ANAPC1: variants seen among roughly 807,000 people sequenced by gnomAD.
The protein encoded by ANAPC1 is anaphase-promoting complex subunit 1.
Under a neutral mutation model 208.0 loss-of-function variants are expected in ANAPC1, and 36 were observed. The ratio of observed to expected loss-of-function variants is 0.17; its 90% CI spans 0.13 to 0.23. The LOEUF is 0.23. ANAPC1 is among the 10% of genes least tolerant of loss of function. The pLI, the probability that ANAPC1 is intolerant of heterozygous loss-of-function variation, is 1.00. For missense variants in ANAPC1, 942 were observed against 2,011.6 expected (o/e 0.47, Z 10.17); for synonymous variants, 378 against 695.2 (o/e 0.54, Z 7.18).
intron 18 of ANAPC1, 107 bp from the exon 19 acceptor site, chr2:111,834,979 T>C: frequency 1.7e-6 from 2 of 1,170,308 alleles, no homozygotes; most frequent in Non-Finnish European, 1.1e-6. Context: ...TCACATTAAG[T>C]TGATCTAAGA....
At chr2:111,845,317 C>T (rs569601183) in intron 16 of ANAPC1, among the ~76,000 whole-genome samples, 1 of 152,352 alleles carries the variant, frequency 6.6e-6, no homozygotes, top group East Asian at 1.9e-4. Flanking sequence ...TTCCAGGATT[C>T]TTTTTTCCCT....
rs1427167094 is a variant in ANAPC1, at chr2:111,863,550, G to A, written c.1052+125C>T. The A allele has an allele frequency of 5.7e-6, 5 of 870,346 alleles. No homozygotes were observed. In the Admixed American group the frequency reaches 1.5e-4, roughly 26 times the overall value. The allele number at this position is 870,346 out of a possible 1,614,324, so 53.9% of individuals were successfully genotyped here. On this transcript the variant is annotated intron_variant, in intron 9 of 47. Coordinates refer to ENST00000341068, the MANE Select transcript of ANAPC1 (RefSeq NM_022662.4). The stretch of plus-strand genomic sequence containing the variant: ...AAAAAAAAGGCTCAATTGGGATAAT[G>A]GCTATTTCCCCTAAAAAACATCTCC...
intron 43 of ANAPC1, among the ~76,000 whole-genome samples, chr2:111,781,973 G>T (rs1295732718): frequency 6.6e-6 from 1 of 152,242 alleles, no homozygotes; most frequent in African/African-American, 2.4e-5. Flanking sequence ...ACAAATGGTG[G>T]TTTTTAAATG....
intron 16 of ANAPC1, among the ~76,000 whole-genome samples, chr2:111,845,976 CAAA>C (rs34090398): frequency 4.9e-5 from 5 of 101,264 alleles, no homozygotes; most frequent in Admixed American, 1.2e-4. Flanking sequence ...GACTCCGTCT[CAAA>C]AAAAAAAAAA....
intron 21 of ANAPC1, among the ~76,000 whole-genome samples, chr2:111,830,333 G>C (rs1680067028): frequency 6.6e-6 from 1 of 151,976 alleles, no homozygotes; most frequent in Admixed American, 6.5e-5. Context: ...ATATCCAAAT[G>C]AAATAATAAA....
chr2:111,833,270 T>C lies in ANAPC1; in HGVS notation c.2426A>G (p.Asp809Gly). 6.2e-7 allele frequency: 1 copy of C among 1,602,706 alleles called. No individual in the cohort carries two copies. Among genetic ancestry groups the C allele is most frequent in the Non-Finnish European group, 8.5e-7 (1 of 1,171,480 alleles). The change falls in exon 20 of 48, where the codon GAC becomes GGC. Residue 809 changes from aspartate (D) to glycine (G), a missense_variant. Coordinates refer to ENST00000341068, the MANE Select transcript of ANAPC1 (RefSeq NM_022662.4). ...LGPYVDHYYR[D>G]YPTLVRTTGQ... Reference sequence around the variant, plus strand: ...AGTAGTTCTGACAAGCGTTGGGTAGTCTCTATAGTAATGATCTACATAAGG... The same window carrying C: ...AGTAGTTCTGACAAGCGTTGGGTAGCCTCTATAGTAATGATCTACATAAGG...
intron 20 of ANAPC1, among the ~76,000 whole-genome samples, chr2:111,832,766 A>G (rs1680222386): frequency 6.6e-6 from 1 of 151,686 alleles, no homozygotes; most frequent in Non-Finnish European, 1.5e-5. Flanking sequence ...CGTCTCTAAT[A>G]ACAATACAGA....
Position 111,825,824 on chromosome 2 carries a change from C to T in ANAPC1, c.2657G>A (p.Ser886Asn), listed in dbSNP as rs1334845011. ...CTGTGAGGATTCATCAGAAACCAAG[C>T]TCTCATCACCAAGTATGTACAGTGC... ...SIALYILGDESLVSDESSQYL... is the reference protein window; with the variant it reads ...SIALYILGDENLVSDESSQYL... The change falls in exon 22 of 48, where the codon AGC (serine) becomes AAC (asparagine). Residue 886 changes from serine to asparagine, a missense_variant. Physicochemically the swap from Ser to Asn is conservative, Grantham distance 46. Coordinates refer to ENST00000341068, the MANE Select transcript of ANAPC1 (RefSeq NM_022662.4). 6.2e-7 allele frequency: 1 copy of T among 1,613,672 alleles called. No homozygotes were observed. Among genetic ancestry groups the T allele is most frequent in the African/African-American group, 1.3e-5 (1 of 74,918 alleles).
Position 111,833,315 on chromosome 2 carries a change from A to G in ANAPC1, c.2385-4T>C, listed in dbSNP as rs1235652040. 29 of 1,585,228 alleles carry G rather than the reference A, an allele frequency of 1.8e-5. No homozygotes were observed. The highest frequency in any genetic ancestry group is 2.5e-5 in the Non-Finnish European group (29 of 1,159,602). On this transcript the variant is annotated splice_polypyrimidine_tract_variant and splice_region_variant and intron_variant, in intron 19 of 47. Transcript: ENST00000341068. Reference sequence around the variant, plus strand: ...ATAAGGCCCCAATTTTAAGTCCCTAAAACAGTAAGGGCATGTAAAAAAGAA... The same window carrying G: ...ATAAGGCCCCAATTTTAAGTCCCTAGAACAGTAAGGGCATGTAAAAAAGAA...
chr2:111,875,678 C>T (rs1321732158), intron 3 of ANAPC1, among the ~76,000 whole-genome samples: 2 of 152,164 alleles, frequency 1.3e-5, no homozygotes, highest in African/African-American at 4.8e-5. Context: ...CCTTGGCAGG[C>T]TCCCTTCAGC....
intron 39 of ANAPC1, 62 bp downstream of exon 39, chr2:111,788,172 C>G: frequency 6.4e-7 from 1 of 1,570,922 alleles, no homozygotes; most frequent in African/African-American, 1.3e-5. Context: ...CAAAATACAA[C>G]CAAATGATCC....
At chr2:111,790,596 G>A (rs1205817546) in intron 38 of ANAPC1, among the ~76,000 whole-genome samples, 1 of 152,044 alleles carries the variant, frequency 6.6e-6, no homozygotes, top group African/African-American at 2.4e-5. Flanking sequence ...AATGTGAATG[G>A]AAAAGCTAAA....
At chr2:111,880,588 A>C (rs1683249630) in intron 2 of ANAPC1, 25 bp downstream of exon 2, 2 of 1,582,640 alleles carry the variant, frequency 1.3e-6, no homozygotes, top group East Asian at 4.5e-5. Context: ...ACATTTCAAA[A>C]ACACAATGGG....
At chr2:111,837,623 A>C (rs1304173710) in intron 18 of ANAPC1, among the ~76,000 whole-genome samples, 1 of 146,204 alleles carries the variant, frequency 6.8e-6, no homozygotes, top group Non-Finnish European at 1.5e-5. Context: ...AAAAAAAAAA[A>C]CCACACAAGG....
At position 111,772,417 on chromosome 2, in the gene ANAPC1, C is replaced by T. The variant is rs932241595; in HGVS notation, c.5643G>A (p.Gln1881=). 3.7e-6 allele frequency: 6 copies of T among 1,601,472 alleles called. No individual in the cohort carries two copies. The Admixed American group carries it at 8.5e-5, about 23-fold the overall frequency. The change falls in exon 47 of 48, where the codon CAG becomes CAA. Residue 1881 remains glutamine (Q), a synonymous_variant. Transcript: ENST00000341068. ...YLSGQPLEES[Q]LSMLACFLVY... ...CGAGGAAGCAGGCCAGCATGCTCAG[C>T]TGTGATTCCTCCAAGGGCTGCCCGC...
At chr2:111,782,561 G>A (rs1677343184) in intron 42 of ANAPC1, 54 bp from the exon 43 acceptor site, 1 of 1,607,740 alleles carries the variant, frequency 6.2e-7, no homozygotes, top group Non-Finnish European at 8.5e-7. Flanking sequence ...TTCTTGGCTG[G>A]AAATAGTGTT....
In ANAPC1 at chr2:111,818,958, T is replaced by C. The variant is rs757583580; in HGVS notation, c.3207A>G (p.Arg1069=). 1 of 1,609,910 alleles carries C rather than the reference T, an allele frequency of 6.2e-7. No homozygotes were observed. Among genetic ancestry groups the C allele is most frequent in the Non-Finnish European group, 8.5e-7 (1 of 1,178,446 alleles). Residue 1069 remains arginine, a splice_region_variant and synonymous_variant, in exon 27 of 48, where the codon AGA becomes AGG. Transcript: ENST00000341068. ...DHEFIEEKEN[R]LLQLCQRTMA... is the part of the protein sequence containing the mutation. ...TAGTTCGCTGACACAATTGGAGCAA[T>C]CTGTAATTAAAGTAAAAACCAACAT... is the stretch of plus-strand genomic sequence containing the variant.
At chr2:111,871,047 T>C (rs1217195461) in intron 6 of ANAPC1, among the ~76,000 whole-genome samples, 1 of 152,216 alleles carries the variant, frequency 6.6e-6, no homozygotes, top group African/African-American at 2.4e-5. Flanking sequence ...TTCTGTTCCA[T>C]TGGTCTATGT....
At chr2:111,770,227 AT>A (rs2104453500) in intron 47 of ANAPC1, among the ~76,000 whole-genome samples, 3 of 108,876 alleles carry the variant, frequency 2.8e-5, no homozygotes, top group Admixed American at 9.2e-5. Context: ...ATATATATAT[AT>A]AAATTCTTTA....
Sources: gnomAD v4.1 joint callset for allele counts (sites outside exome capture counted in the v4.1 genomes callset) on GRCh38, gnomAD v4.1.1 for gene constraint, MANE v1.5 for transcripts, NCBI Gene and HGNC (gene_info 2026-07-23, HGNC 2026-07-21) for gene names.